RAB11FIP4: variants seen among roughly 807,000 people sequenced by gnomAD.
RAB11FIP4 encodes the protein rab11 family-interacting protein 4.
In RAB11FIP4, 23 loss-of-function variants were observed where a neutral mutation model predicts 74.3. The observed-to-expected ratio is 0.31, with a 90% CI of 0.22 to 0.44. RAB11FIP4 has a LOEUF of 0.44. RAB11FIP4 is among the 20% of genes least tolerant of loss of function. The pLI is 1.00. For missense variants in RAB11FIP4, 630 were observed against 863.9 expected (o/e 0.73, Z 3.39); for synonymous variants, 360 against 359.9 (o/e 1.00, Z 0.00).
rs151147787 is a variant in RAB11FIP4 at position 31,493,711 on chromosome 17, C to G, written c.337-23940C>G. Among the ~76,000 whole-genome samples the G allele has an allele frequency of 4.6e-5, 7 of 152,294 alleles. No homozygotes were observed. The East Asian group carries it at 1.4e-3, about 29-fold the overall frequency. The stretch of plus-strand genomic sequence containing the variant: ...CTAGGTCTAGATCCTGGCTCTGTTG[C>G]TCGCTAGTTGTGGAACTTTGGACAG... On this transcript the variant is annotated intron_variant, in intron 3 of 14. Coordinates refer to ENST00000621161, the MANE Select transcript of RAB11FIP4 (RefSeq NM_032932.6).
intron 3 of RAB11FIP4, chr17:31,487,997 C>T (rs2071929840): frequency 1.0e-6 from 1 of 997,690 alleles, no homozygotes; most frequent in African/African-American, 1.7e-5. Context: ...GAGGCCCCGC[C>T]CCCGAGTCCC....
At chr17:31,505,989 C>T (rs1597965519) in intron 3 of RAB11FIP4, among the ~76,000 whole-genome samples, 3 of 151,484 alleles carry the variant, frequency 2.0e-5, no homozygotes, top group South Asian at 2.1e-4. Flanking sequence ...GTGTGAGCCA[C>T]GTTCAGCATG....
chr17:31,418,506 C>T (rs1057457283), intron 1 of RAB11FIP4, among the ~76,000 whole-genome samples: 1 of 137,418 alleles, frequency 7.3e-6, no homozygotes, highest in Non-Finnish European at 1.5e-5. Flanking sequence ...CTGTGTCACT[C>T]AGGCTGGAGT....
Position 31,408,500 on chromosome 17 carries a change from G to C in RAB11FIP4, c.159+16489G>C, listed in dbSNP as rs183432490. Among the ~76,000 whole-genome samples the C allele has an allele frequency of 3.9e-3, 594 of 152,258 alleles. 5 individuals are homozygous for C. Among genetic ancestry groups the C allele is most frequent in the African/African-American group, 0.014 (563 of 41,530 alleles). The stretch of plus-strand genomic sequence containing the variant: ...TTTTTTTCCTAGCTGCATGTCACTA[G>C]CATATAGGAATATAATTGATTTTTT... On this transcript the variant is annotated intron_variant, in intron 1 of 14. Transcript: ENST00000621161.
chr17:31,441,227 C>T lies in RAB11FIP4; in HGVS notation c.336+7105C>T, dbSNP rs549068471. Among the ~76,000 whole-genome samples, 88 of 152,094 alleles carry T rather than the reference C, an allele frequency of 5.8e-4. 2 individuals carry two copies. The East Asian group carries it at 0.016, about 28-fold the overall frequency. ...TTTCAGTAGAGATGGGGTTCTACTA[C>T]GTTGGCCAGGCTGGTCTCAAACTCC... On this transcript the variant is annotated intron_variant, in intron 3 of 14. Coordinates refer to ENST00000621161, the MANE Select transcript of RAB11FIP4 (RefSeq NM_032932.6).
chr17:31,499,158 C>G (rs1328290252), intron 3 of RAB11FIP4, among the ~76,000 whole-genome samples: 1 of 152,084 alleles, frequency 6.6e-6, no homozygotes, highest in East Asian at 1.9e-4. Context: ...CTGGAGCTTC[C>G]GGTAGGCATT....
At chr17:31,522,491 C>T (rs377339983) in intron 7 of RAB11FIP4, 96 bp downstream of exon 7, 131 of 1,235,832 alleles carry the variant, frequency 1.1e-4, no homozygotes, top group South Asian at 4.5e-4. Context: ...AGCTGGTGCC[C>T]GCATGTGGCT....
chr17:31,436,783 T>G (rs71373666), intron 3 of RAB11FIP4, among the ~76,000 whole-genome samples: 2 of 32,358 alleles, frequency 6.2e-5, no homozygotes, highest in Non-Finnish European at 1.2e-4. Flanking sequence ...TGTTTTTTGT[T>G]TTTTTTGTTT....
At chr17:31,447,972 C>A (rs1048678706) in intron 3 of RAB11FIP4, among the ~76,000 whole-genome samples, 6 of 152,008 alleles carry the variant, frequency 3.9e-5, no homozygotes, top group African/African-American at 1.2e-4. Flanking sequence ...AGGCATGCAC[C>A]CAGCTAATTT....
At chr17:31,470,569 GGCTCTC>G (rs2071727572) in intron 3 of RAB11FIP4, among the ~76,000 whole-genome samples, 1 of 152,198 alleles carries the variant, frequency 6.6e-6, no homozygotes, top group Non-Finnish European at 1.5e-5. Flanking sequence ...GATGATACAT[GGCTCTC>G]ATGATCCAAT....
At chr17:31,439,666 A>T (rs1249499291) in intron 3 of RAB11FIP4, among the ~76,000 whole-genome samples, 3 of 152,208 alleles carry the variant, frequency 2.0e-5, no homozygotes, top group Non-Finnish European at 4.4e-5. Flanking sequence ...GCTGGAGTGC[A>T]GTGGCTCAAT....
At chr17:31,487,719 G>A (rs1414253996) in intron 3 of RAB11FIP4, among the ~76,000 whole-genome samples, 1 of 152,072 alleles carries the variant, frequency 6.6e-6, no homozygotes, top group Non-Finnish European at 1.5e-5. Context: ...TGAGGGTGGC[G>A]CAGAACGGGC....
At chr17:31,517,201 G>C (rs1368849252) in intron 3 of RAB11FIP4, among the ~76,000 whole-genome samples, 1 of 126,368 alleles carries the variant, frequency 7.9e-6, no homozygotes, top group Non-Finnish European at 1.7e-5. Context: ...CGGGGGGGGG[G>C]GCGGTGGGGG....
In RAB11FIP4 at chr17:31,447,096, A is replaced by G. The variant is rs572571185; in HGVS notation, c.336+12974A>G. 6.6e-5 allele frequency among the ~76,000 whole-genome samples: 10 copies of G among 152,296 alleles called. No homozygotes were observed. The East Asian group carries it at 1.9e-3, about 29-fold the overall frequency. On this transcript the variant is annotated intron_variant, in intron 3 of 14. Transcript: ENST00000621161. ...TCAGGAGATCGAGACCATCCTGGCT[A>G]ACACGGTGAAACCCCGTCTCCACTA...
At position 31,521,239 on chromosome 17, in the gene RAB11FIP4, G is replaced by A; in HGVS notation, c.637G>A (p.Glu213Lys). The A allele has an allele frequency of 6.2e-7, 1 of 1,614,024 alleles. No homozygotes were observed. Among genetic ancestry groups the A allele is most frequent in the Non-Finnish European group, 8.5e-7 (1 of 1,179,930 alleles). Residue 213 changes from glutamate (E) to lysine (K), a missense_variant, in exon 5 of 15, where the codon GAG becomes AAG. Coordinates refer to ENST00000621161, the MANE Select transcript of RAB11FIP4 (RefSeq NM_032932.6). The stretch of plus-strand genomic sequence containing the variant: ...CTCCACCACCTCGCTCATCAGCAAT[G>A]AGGAGCAGTTTGAAGACTATGGGGA... ...THSTTSLISN[E>K]EQFEDYGEGD...
At chr17:31,527,435 T>C (rs59920341) in intron 10 of RAB11FIP4, 26,114 of 161,384 alleles carry the variant, frequency 0.16, 2,184 homozygotes, top group Middle Eastern at 0.25. Flanking sequence ...AACCCGTCTC[T>C]ACTAAAAATA....
At chr17:31,397,697 G>GGATCCC (rs1157163227) in intron 1 of RAB11FIP4, among the ~76,000 whole-genome samples, 1 of 152,128 alleles carries the variant, frequency 6.6e-6, no homozygotes, top group Non-Finnish European at 1.5e-5. Context: ...CCAGGGCTGG[G>GGATCCC]GATCCCTTGG....
At chr17:31,468,253 G>C (rs1241062169) in intron 3 of RAB11FIP4, among the ~76,000 whole-genome samples, 1 of 152,004 alleles carries the variant, frequency 6.6e-6, no homozygotes. Context: ...TCCCTTCCTC[G>C]CTTCCTCTGC....
At chr17:31,400,713 A>G (rs907865536) in intron 1 of RAB11FIP4, among the ~76,000 whole-genome samples, 1 of 152,132 alleles carries the variant, frequency 6.6e-6, no homozygotes, top group Non-Finnish European at 1.5e-5. Context: ...CTTTGGAGAC[A>G]AGCTGCCGTT....
Sources: gnomAD v4.1 joint callset for allele counts (sites outside exome capture counted in the v4.1 genomes callset) on GRCh38, gnomAD v4.1.1 for gene constraint, MANE v1.5 for transcripts, NCBI Gene and HGNC (gene_info 2026-07-23, HGNC 2026-07-21) for gene names.